MYO1B: variants seen among roughly 807,000 people sequenced by gnomAD.
MYO1B encodes myosin IB.
In MYO1B, 72 loss-of-function variants were observed where a neutral mutation model predicts 159.7. The ratio of observed to expected loss-of-function variants is 0.45; its 90% CI spans 0.37 to 0.55. The LOEUF (loss-of-function observed/expected upper bound fraction) is 0.55, where lower values mean the gene tolerates loss of function less well. Ranked by LOEUF, MYO1B falls within the 20% of genes least tolerant of loss-of-function variation. The probability of loss-of-function intolerance (pLI) is 0.00; values close to 1 mark genes in which losing one functional copy is unlikely to be tolerated. For missense variants in MYO1B, 1,062 were observed against 1,364.8 expected (o/e 0.78, Z 3.50); for synonymous variants, 468 against 473.8 (o/e 0.99, Z 0.16).
intron 11 of MYO1B, among the ~76,000 whole-genome samples, chr2:191,366,457 G>A (rs1694017340): frequency 1.3e-5 from 2 of 151,676 alleles, no homozygotes; most frequent in Non-Finnish European, 2.9e-5. Context: ...GGTTTTGATT[G>A]CTGTGAGAAG....
intron 2 of MYO1B, among the ~76,000 whole-genome samples, chr2:191,287,713 A>C (rs1367629273): frequency 2.0e-5 from 3 of 152,208 alleles, no homozygotes; most frequent in Admixed American, 6.5e-5. Context: ...CTTAAATACT[A>C]TACTTAGGTC....
intron 8 of MYO1B, 137 bp downstream of exon 8, chr2:191,360,866 C>T: frequency 1.7e-6 from 1 of 603,978 alleles, no homozygotes; most frequent in African/African-American, 1.8e-5. Flanking sequence ...CTTGGCTTCC[C>T]AGAGTGCTAG....
In MYO1B at chr2:191,321,771, T is replaced by A. The variant is rs556469146; in HGVS notation, c.252-8164T>A. 3.9e-5 allele frequency among the ~76,000 whole-genome samples: 6 copies of A among 152,170 alleles called. No individual in the cohort carries two copies. In the East Asian group the frequency reaches 1.2e-3, roughly 29 times the overall value. On this transcript the variant is annotated intron_variant, in intron 3 of 30. Transcript: ENST00000392318. ...TTCCTTTTCTGAATATCTTTAGGAG[T>A]TTACAGATATGTTTATTACCTTCTC... is the stretch of plus-strand genomic sequence containing the variant.
At chr2:191,342,636 C>T (rs971232715) in intron 5 of MYO1B, among the ~76,000 whole-genome samples, 2 of 152,134 alleles carry the variant, frequency 1.3e-5, no homozygotes, top group African/African-American at 4.8e-5. Flanking sequence ...CACTTGAGGC[C>T]AGGAGTTCGA....
intron 7 of MYO1B, among the ~76,000 whole-genome samples, chr2:191,356,364 T>C (rs1463310965): frequency 2.0e-5 from 3 of 150,718 alleles, no homozygotes; most frequent in African/African-American, 7.3e-5. Flanking sequence ...TTTTGAGTTT[T>C]GAGTTTTGAG....
intron 17 of MYO1B, chr2:191,387,942 T>C (rs1695492663): frequency 5.8e-6 from 1 of 171,866 alleles, no homozygotes; most frequent in South Asian, 1.4e-4. Flanking sequence ...CTGGAGAAAG[T>C]AATGATTCCT....
At chr2:191,356,472 C>G (rs1049890048) in intron 7 of MYO1B, among the ~76,000 whole-genome samples, 10 of 150,998 alleles carry the variant, frequency 6.6e-5, no homozygotes, top group Non-Finnish European at 1.3e-4. Context: ...GCTGTGACTT[C>G]GTAATGGGTG....
chr2:191,411,990 G>A (rs191303586), intron 27 of MYO1B, among the ~76,000 whole-genome samples: 89 of 152,286 alleles, frequency 5.8e-4, no homozygotes, highest in African/African-American at 1.9e-3. Flanking sequence ...CATTTATTAC[G>A]TAAATTATGT....
intron 3 of MYO1B, among the ~76,000 whole-genome samples, chr2:191,313,761 C>T (rs1332084364): frequency 6.6e-6 from 1 of 152,162 alleles, no homozygotes; most frequent in Admixed American, 6.5e-5. Flanking sequence ...TCAGGTGATA[C>T]ACCAGCCTCA....
intron 3 of MYO1B, among the ~76,000 whole-genome samples, chr2:191,325,706 C>T (rs1691013045): frequency 6.6e-6 from 1 of 152,042 alleles, no homozygotes; most frequent in Admixed American, 6.6e-5. Flanking sequence ...GGAAAAGAAG[C>T]CCTGCCATTG....
At chr2:191,375,125 A>G (rs900136733) in intron 13 of MYO1B, among the ~76,000 whole-genome samples, 6 of 152,206 alleles carry the variant, frequency 3.9e-5, no homozygotes, top group Admixed American at 3.3e-4. Context: ...GCAAAGTGCT[A>G]ATTACTTTCA....
At chr2:191,370,336 A>G (rs374951523) in intron 13 of MYO1B, 44 bp downstream of exon 13, 8 of 1,321,588 alleles carry the variant, frequency 6.1e-6, no homozygotes, top group Non-Finnish European at 8.7e-6. Flanking sequence ...GTAGAGTGGA[A>G]TGGTTGGAAA....
chr2:191,264,038 A>AT (rs1198312226), intron 1 of MYO1B, among the ~76,000 whole-genome samples: 3 of 152,186 alleles, frequency 2.0e-5, no homozygotes, highest in African/African-American at 7.2e-5. Flanking sequence ...GGTGCCTTTG[A>AT]TTTTAAAAGG....
At chr2:191,248,683 T>G (rs1455121621) in intron 1 of MYO1B, among the ~76,000 whole-genome samples, 1 of 152,222 alleles carries the variant, frequency 6.6e-6, no homozygotes, top group Non-Finnish European at 1.5e-5. Context: ...AAAAAAATCC[T>G]AAGTTGAACC....
chr2:191,370,497 G>T (rs1694293832), intron 13 of MYO1B, among the ~76,000 whole-genome samples: 2 of 142,736 alleles, frequency 1.4e-5, no homozygotes, highest in South Asian at 4.2e-4. Flanking sequence ...CTGCATGTGT[G>T]CCTGAGTGTG....
At chr2:191,351,666 C>A (rs1692935088) in intron 7 of MYO1B, among the ~76,000 whole-genome samples, 1 of 152,152 alleles carries the variant, frequency 6.6e-6, no homozygotes, top group African/African-American at 2.4e-5. Flanking sequence ...GCAGGGGGAT[C>A]ACCTGAGCTC....
intron 24 of MYO1B, among the ~76,000 whole-genome samples, 158 bp downstream of exon 24, chr2:191,402,876 A>C (rs1011267899): frequency 6.6e-6 from 1 of 152,172 alleles, no homozygotes; most frequent in Non-Finnish European, 1.5e-5. Context: ...AGAAACCTAT[A>C]CACTAATTTT....
In MYO1B at chr2:191,398,412, G is replaced by A. The variant is rs1296313445; in HGVS notation, c.2295+1915G>A. On this transcript the variant is annotated intron_variant, in intron 21 of 30. Coordinates refer to ENST00000392318, the MANE Select transcript of MYO1B (RefSeq NM_001130158.3). ...CCTCCCGGACGGGGCGGCTGGCCGG[G>A]CGGGGGGCTGACCCCCCCCCACCTC... 1.4e-4 allele frequency among the ~76,000 whole-genome samples: 9 copies of A among 64,104 alleles called. No homozygotes were observed. The East Asian group carries it at 7.1e-3, about 51-fold the overall frequency. 42.1% of individuals were successfully genotyped at this position (64,104 alleles called of 152,430 possible).
In MYO1B at chr2:191,390,467, T is replaced by C. The variant is rs1695678901; in HGVS notation, c.1957T>C (p.Trp653Arg). ...ERYKMLCKQT[W>R]PHWKGPARSG... Reference sequence around the variant, plus strand: ...ATACAAAATGCTTTGTAAACAAACATGGCCTCATTGGAAAGGACCAGCCAG... The same window carrying C: ...ATACAAAATGCTTTGTAAACAAACACGGCCTCATTGGAAAGGACCAGCCAG... Residue 653 changes from tryptophan to arginine, a missense_variant, in exon 18 of 31, where the codon TGG becomes CGG. Trp to Arg is a moderately radical substitution (Grantham distance 101). Around this residue, in one of 5 missense-constraint regions of MYO1B, gnomAD observed 609 missense variants for 744.4 expected, o/e 0.82. Transcript: ENST00000392318. 6.2e-7 allele frequency: 1 copy of C among 1,613,906 alleles called. No homozygotes were observed. Among genetic ancestry groups the C allele is most frequent in the Non-Finnish European group, 8.5e-7 (1 of 1,179,966 alleles).
Sources: allele counts gnomAD v4.1 joint callset (sites outside exome capture counted in the v4.1 genomes callset), GRCh38; gene constraint gnomAD v4.1.1; regional missense constraint gnomAD v4.1.1; transcripts MANE v1.5; gene names NCBI Gene and HGNC (gene_info 2026-07-23, HGNC 2026-07-21).